Variants in DGKB observed in about 807,000 individuals in gnomAD.
DGKB encodes the protein 90 kDa diacylglycerol kinase.
Under a neutral mutation model 114.3 loss-of-function variants are expected in DGKB, and 67 were observed. The ratio of observed to expected loss-of-function variants is 0.59; its 90% CI spans 0.48 to 0.72. The LOEUF is 0.72. Ranked by LOEUF, DGKB falls within the 30% of genes least tolerant of loss-of-function variation. DGKB has a pLI of 0.00. For missense variants in DGKB, 907 were observed against 975.2 expected (o/e 0.93, Z 0.93); for synonymous variants, 398 against 323.1 (o/e 1.23, Z -2.49).
At chr7:14,761,900 T>C (rs1348174976) in intron 2 of DGKB, among the ~76,000 whole-genome samples, 2 of 152,144 alleles carry the variant, frequency 1.3e-5, no homozygotes, top group Non-Finnish European at 2.9e-5. Context: ...GCTGGACAGA[T>C]GCGCAGCACA....
At position 14,564,926 on chromosome 7, in the gene DGKB, T is replaced by C. The variant is rs565955141; in HGVS notation, c.1770+9286A>G. On this transcript the variant is annotated intron_variant, in intron 20 of 25. Coordinates refer to ENST00000402815, the MANE Select transcript of DGKB (RefSeq NM_001350709.2). ...TTCCATTTCTTCTCTTTTTGAGCTC[T>C]CCCTATTAATCTCGTCAGTCCACAC... 1.6e-4 allele frequency among the ~76,000 whole-genome samples: 24 copies of C among 152,206 alleles called. No individual in the cohort carries two copies. The South Asian group carries it at 5.0e-3, about 32-fold the overall frequency.
chr7:14,877,591 T>C (rs566708416), intron 1 of DGKB, among the ~76,000 whole-genome samples: 3 of 151,962 alleles, frequency 2.0e-5, no homozygotes, highest in Non-Finnish European at 4.4e-5. Context: ...TAAAGAAAAA[T>C]TTTATTTTGG....
At chr7:14,207,202 TC>T (rs1312786267) in intron 23 of DGKB, among the ~76,000 whole-genome samples, 1 of 152,086 alleles carries the variant, frequency 6.6e-6, no homozygotes, top group Non-Finnish European at 1.5e-5. Context: ...CAGTATGTGA[TC>T]CATCAACATA....
chr7:14,697,383 C>T (rs954851006), intron 8 of DGKB, among the ~76,000 whole-genome samples: 1 of 152,092 alleles, frequency 6.6e-6, no homozygotes, highest in Non-Finnish European at 1.5e-5. Context: ...TAACATGATG[C>T]ACTGTGCATG....
chr7:14,799,625 C>T (rs1439977061), intron 2 of DGKB, among the ~76,000 whole-genome samples: 2 of 152,174 alleles, frequency 1.3e-5, no homozygotes, highest in Non-Finnish European at 2.9e-5. Context: ...ACTAAGAAAG[C>T]GGTACCTCTA....
intron 6 of DGKB, among the ~76,000 whole-genome samples, chr7:14,711,853 A>G (rs747689959): frequency 2.0e-5 from 3 of 152,194 alleles, no homozygotes; most frequent in Non-Finnish European, 2.9e-5. Flanking sequence ...TAAGGATACA[A>G]TACCAAAACA....
rs1433018533 is a variant in DGKB at position 14,146,468 on chromosome 7, C to T, written c.*2663G>A. 2 of 152,134 alleles carry T rather than the reference C, an allele frequency of 1.3e-5. No homozygotes were observed. Among genetic ancestry groups the T allele is most frequent in the Admixed American group, 6.6e-5 (1 of 15,266 alleles). 9.4% of individuals were successfully genotyped at this position (152,134 alleles called of 1,614,324 possible). On this transcript the variant is annotated 3_prime_UTR_variant, in exon 26 of 26. Coordinates refer to ENST00000402815, the MANE Select transcript of DGKB (RefSeq NM_001350709.2). ...GGCGACTCAATAGCTGAAAATTTATCTGCACACATAGAAGAGAAGTTTCCA... is the reference window on the plus strand; with the variant it reads ...GGCGACTCAATAGCTGAAAATTTATTTGCACACATAGAAGAGAAGTTTCCA...
At chr7:14,615,397 ATATT>A (rs1228478196) in intron 15 of DGKB, among the ~76,000 whole-genome samples, 2 of 152,036 alleles carry the variant, frequency 1.3e-5, no homozygotes, top group Non-Finnish European at 2.9e-5. Context: ...AATTGTGAGA[ATATT>A]TATAGACATC....
intron 20 of DGKB, among the ~76,000 whole-genome samples, chr7:14,533,381 A>G (rs138577290): frequency 3.0e-4 from 45 of 151,950 alleles, no homozygotes; most frequent in African/African-American, 1.1e-3. Context: ...AATAGACTGA[A>G]TAAAGCTTAC....
chr7:14,749,102 G>A (rs1030405075), intron 4 of DGKB, among the ~76,000 whole-genome samples: 15 of 152,072 alleles, frequency 9.9e-5, no homozygotes, highest in Non-Finnish European at 2.9e-5. Flanking sequence ...AGGTCACTGA[G>A]CAAAAGTATA....
chr7:14,279,977 C>T (rs770041766), intron 23 of DGKB, among the ~76,000 whole-genome samples: 6 of 152,230 alleles, frequency 3.9e-5, no homozygotes, highest in Non-Finnish European at 5.9e-5. Flanking sequence ...AGGAACGCAG[C>T]TCCTCACCAG....
At chr7:14,958,477 C>CACACACACA (rs1562903995) in intron 1 of DGKB, among the ~76,000 whole-genome samples, 2 of 84,754 alleles carry the variant, frequency 2.4e-5, no homozygotes, top group Non-Finnish European at 4.8e-5. Context: ...ACACACACAC[C>CACACACACA]CCGTCCAGGA....
At chr7:14,285,389 T>C (rs1800716317) in intron 23 of DGKB, among the ~76,000 whole-genome samples, 4 of 152,208 alleles carry the variant, frequency 2.6e-5, no homozygotes, top group Admixed American at 2.6e-4. Flanking sequence ...AGTAAGTAAA[T>C]GTCTCATACA....
At chr7:14,478,042 A>ACT (rs890059071) in intron 21 of DGKB, 119 bp downstream of exon 21, 1 of 570,752 alleles carries the variant, frequency 1.8e-6, no homozygotes, top group African/African-American at 1.9e-5. Context: ...ACACACACAC[A>ACT]CACGCACACA....
chr7:14,378,502 A>G (rs960480242), intron 21 of DGKB, among the ~76,000 whole-genome samples: 1 of 152,218 alleles, frequency 6.6e-6, no homozygotes, highest in African/African-American at 2.4e-5. Flanking sequence ...TCCAAAATAA[A>G]AAATTTATTT....
chr7:14,801,925 TAC>T lies in DGKB; in HGVS notation c.70+39267_70+39268del, dbSNP rs142456381. Among the ~76,000 whole-genome samples, 574 of 147,872 alleles carry T rather than the reference TAC, an allele frequency of 3.9e-3. 1 individual carries two copies. Among genetic ancestry groups the T allele is most frequent in the South Asian group, 5.4e-3 (25 of 4,672 alleles). On this transcript the variant is annotated intron_variant, in intron 2 of 25. Transcript: ENST00000402815. ...ACACATATACACACATATATACATA[TAC>T]ACACACACACACACACACACGCACA...
At position 14,798,837 on chromosome 7, in the gene DGKB, C is replaced by A. The variant is rs11972134; in HGVS notation, c.71-41106G>T. 8.2e-3 allele frequency among the ~76,000 whole-genome samples: 1,244 copies of A among 152,312 alleles called. 10 individuals carry two copies. Among genetic ancestry groups the A allele is most frequent in the African/African-American group, 0.028 (1,179 of 41,572 alleles). The stretch of plus-strand genomic sequence containing the variant: ...ATTGTAACAGATATAGTCAGCAGCT[C>A]CCCACATTTATTCCCTGACCTATGG... On this transcript the variant is annotated intron_variant, in intron 2 of 25. Coordinates refer to ENST00000402815, the MANE Select transcript of DGKB (RefSeq NM_001350709.2).
chr7:14,784,549 T>G (rs1285334334), intron 2 of DGKB, among the ~76,000 whole-genome samples: 1 of 151,768 alleles, frequency 6.6e-6, no homozygotes, highest in Non-Finnish European at 1.5e-5. Context: ...AATTCTATAT[T>G]TTTAGTAGAG....
chr7:14,894,458 T>A (rs1345076654), intron 1 of DGKB, among the ~76,000 whole-genome samples: 1 of 151,460 alleles, frequency 6.6e-6, no homozygotes, highest in Non-Finnish European at 1.5e-5. Context: ...AGAAAAATTT[T>A]TTATCAATAT....
Sources: gnomAD v4.1 joint callset for allele counts (sites outside exome capture counted in the v4.1 genomes callset) on GRCh38, gnomAD v4.1.1 for gene constraint, MANE v1.5 for transcripts, NCBI Gene and HGNC (gene_info 2026-07-23, HGNC 2026-07-21) for gene names.